The following RAD51 variants were observed in gnomAD, a reference collection of about 807,000 sequenced individuals.
The protein encoded by RAD51 is RAD51 recombinase, also known as DNA repair protein RAD51 homolog 1.
In RAD51, 14 loss-of-function variants were observed where a neutral mutation model predicts 41.5. The observed-to-expected ratio is 0.34, with a 90% CI of 0.22 to 0.53. The LOEUF (loss-of-function observed/expected upper bound fraction) is 0.53, where lower values mean the gene tolerates loss of function less well. Among genes scored for constraint, RAD51 ranks in the 20% least tolerant of loss-of-function variants. The pLI, the probability that RAD51 is intolerant of heterozygous loss-of-function variation, is 0.95. For missense variants in RAD51, 234 were observed against 422.0 expected, an observed-to-expected ratio of 0.55 and a Z score of 3.90; for synonymous variants, 136 against 148.6, an observed-to-expected ratio of 0.92 and a Z score of 0.62.
intron 6 of RAD51, among the ~76,000 whole-genome samples, chr15:40,727,695 A>G (rs1896656104): frequency 6.6e-6 from 1 of 151,664 alleles, no homozygotes; most frequent in Non-Finnish European, 1.5e-5. Flanking sequence ...TTTTTTCACC[A>G]TACATTCATG....
intron 2 of RAD51, 142 bp from the exon 3 acceptor site, chr15:40,700,922 T>A: frequency 2.7e-6 from 2 of 754,240 alleles, no homozygotes; most frequent in Admixed American, 2.9e-5. Context: ...ACTTCCCATC[T>A]CCCCCCGCCC....
chr15:40,702,345 C>A (rs774331656), intron 3 of RAD51, among the ~76,000 whole-genome samples: 4 of 152,034 alleles, frequency 2.6e-5, no homozygotes, highest in Non-Finnish European at 4.4e-5. Context: ...TTTTGCCTTG[C>A]GAGATCTTGG....
At chr15:40,708,458 C>G (rs888833488) in intron 4 of RAD51, among the ~76,000 whole-genome samples, 1 of 149,230 alleles carries the variant, frequency 6.7e-6, no homozygotes, top group African/African-American at 2.5e-5. Flanking sequence ...GAGCTCCTGA[C>G]CTCAGGTGAT....
At position 40,700,811 on chromosome 15, in the gene RAD51, T is replaced by C. The variant is rs572126790; in HGVS notation, c.88-253T>C. Among the ~76,000 whole-genome samples, 4 of 152,298 alleles carry C rather than the reference T, an allele frequency of 2.6e-5. No individual in the cohort carries two copies. The East Asian group carries it at 7.7e-4, about 29-fold the overall frequency. On this transcript the variant is annotated intron_variant, in intron 2 of 9. Transcript: ENST00000267868. Reference sequence around the variant, plus strand: ...ATCAACTACATATCAAAAAAAAGTATACAGGAGGATGTACATAGGTTATAT... The same window carrying C: ...ATCAACTACATATCAAAAAAAAGTACACAGGAGGATGTACATAGGTTATAT...
intron 9 of RAD51, 131 bp downstream of exon 9, chr15:40,730,105 C>G (rs1322891749): frequency 3.2e-6 from 4 of 1,264,876 alleles, no homozygotes; most frequent in Non-Finnish European, 4.5e-6. Context: ...TCTTGCTAAT[C>G]TAATTAACAT....
intron 1 of RAD51, among the ~76,000 whole-genome samples, chr15:40,698,515 AGT>A (rs1365357314): frequency 2.6e-5 from 4 of 152,126 alleles, no homozygotes; most frequent in Non-Finnish European, 5.9e-5. Context: ...TCTACATATG[AGT>A]GAGATCATGC....
chr15:40,714,942 G>C (rs1895911316), intron 5 of RAD51, among the ~76,000 whole-genome samples: 1 of 152,258 alleles, frequency 6.6e-6, no homozygotes, highest in East Asian at 1.9e-4. Flanking sequence ...GGGAGGCTGA[G>C]GCCGGAGGAT....
At chr15:40,702,816 C>CTTTT (rs45541035) in intron 3 of RAD51, among the ~76,000 whole-genome samples, 3 of 140,782 alleles carry the variant, frequency 2.1e-5, no homozygotes, top group Admixed American at 7.2e-5. Context: ...CTGTGCCCAC[C>CTTTT]TTTTTTTTTT....
Position 40,720,717 on chromosome 15 carries a change from A to G in RAD51, c.530+1818A>G, listed in dbSNP as rs182589268. Among the ~76,000 whole-genome samples the G allele has an allele frequency of 1.8e-4, 28 of 152,362 alleles. No homozygotes were observed. In the East Asian group the frequency reaches 5.0e-3, roughly 27 times the overall value. ...ACAATTCAAAAGTAAAACTTGAAAA[A>G]AAAACTTCATTCACAGTAGCAAGAA... On this transcript the variant is annotated intron_variant, in intron 6 of 9. Transcript: ENST00000267868.
chr15:40,712,313 T>C (rs1895744460), intron 5 of RAD51, among the ~76,000 whole-genome samples: 2 of 152,168 alleles, frequency 1.3e-5, no homozygotes, highest in Non-Finnish European at 2.9e-5. Flanking sequence ...GGAAGACAGT[T>C]TTGTTGGAAA....
upstream of RAD51, chr15:40,695,063 G>C (rs1028682203): frequency 6.6e-6 from 1 of 152,350 alleles, no homozygotes; most frequent in Non-Finnish European, 1.5e-5. Context: ...AAGCTCTCGA[G>C]CTCCCGTCTT....
intron 5 of RAD51, among the ~76,000 whole-genome samples, chr15:40,712,292 T>C (rs547576940): frequency 3.3e-5 from 5 of 151,924 alleles, no homozygotes; most frequent in African/African-American, 1.2e-4. Context: ...ACCTAAAAAG[T>C]GTTTGAGAGG....
chr15:40,731,140 G>T lies in RAD51; in HGVS notation c.982G>T (p.Ala328Ser), dbSNP rs367685211. Residue 328 changes from alanine to serine, a missense_variant, in exon 10 of 10, where the codon GCC becomes TCC. Physicochemically the swap from Ala to Ser is moderately conservative, Grantham distance 99 (BLOSUM62 1). Coordinates refer to ENST00000267868, the MANE Select transcript of RAD51 (RefSeq NM_002875.5). ...TCTTCCTGAAGCTGAAGCTATGTTC[G>T]CCATTAATGCAGATGGAGTGGGAGA... ...PCLPEAEAMF[A>S]INADGVGDAK... 5.6e-6 allele frequency: 9 copies of T among 1,614,062 alleles called. No homozygotes were observed. Among genetic ancestry groups the T allele is most frequent in the South Asian group, 5.5e-5 (5 of 91,074 alleles).
At chr15:40,729,338 A>G (rs1329244923) in intron 7 of RAD51, among the ~76,000 whole-genome samples, 167 bp from the exon 8 acceptor site, 1 of 137,494 alleles carries the variant, frequency 7.3e-6, no homozygotes, top group Non-Finnish European at 1.5e-5. Context: ...GCCCCACTGC[A>G]CTCCAGCCTG....
intron 5 of RAD51, among the ~76,000 whole-genome samples, chr15:40,713,928 C>G (rs1895851973): frequency 6.6e-6 from 1 of 151,032 alleles, no homozygotes; most frequent in Non-Finnish European, 1.5e-5. Flanking sequence ...TCTTATGAGA[C>G]AGCCAAGCTA....
chr15:40,695,117 A>C (rs1894524317), upstream of RAD51: 1 of 152,252 alleles, frequency 6.6e-6, no homozygotes, highest in Non-Finnish European at 1.5e-5. Flanking sequence ...CGGATCCGGG[A>C]GGCGGGGATA....
At chr15:40,724,452 A>G (rs570736344) in intron 6 of RAD51, among the ~76,000 whole-genome samples, 73 of 152,272 alleles carry the variant, frequency 4.8e-4, no homozygotes, top group African/African-American at 1.7e-3. Context: ...ATGCCCAAGC[A>G]GTAGAGCAAT....
At chr15:40,704,329 G>T (rs1265763782) in intron 3 of RAD51, among the ~76,000 whole-genome samples, 1 of 149,144 alleles carries the variant, frequency 6.7e-6, no homozygotes, top group Non-Finnish European at 1.5e-5. Context: ...CTCCCAAAGT[G>T]CTGGGATTAC....
intron 6 of RAD51, among the ~76,000 whole-genome samples, chr15:40,719,478 C>G (rs1896159596): frequency 6.6e-6 from 1 of 151,940 alleles, no homozygotes; most frequent in African/African-American, 2.4e-5. Flanking sequence ...ATATTGCATG[C>G]AAATAGTAAC....
Sources: gnomAD v4.1 joint callset for allele counts (sites outside exome capture counted in the v4.1 genomes callset) on GRCh38, gnomAD v4.1.1 for gene constraint, MANE v1.5 for transcripts, NCBI Gene and HGNC (gene_info 2026-07-23, HGNC 2026-07-21) for gene names.